The following SI variants were observed in gnomAD, a reference collection of about 807,000 sequenced individuals.
SI encodes sucrase-isomaltase.
SI carries 235 observed loss-of-function variants against 253.3 expected under a neutral mutation model. The ratio of observed to expected loss-of-function variants is 0.93; its 90% CI spans 0.83 to 1.03. The LOEUF (loss-of-function observed/expected upper bound fraction) is 1.03. Among genes scored for constraint, SI ranks in the 50% least tolerant of loss-of-function variants. The probability of loss-of-function intolerance (pLI) is 0.00; values close to 1 mark genes in which losing one functional copy is unlikely to be tolerated. For missense variants in SI, 2,442 were observed against 2,211.1 expected, an observed-to-expected ratio of 1.10 and a Z score of -2.09; for synonymous variants, 819 against 712.0, an observed-to-expected ratio of 1.15 and a Z score of -2.39.
intron 40 of SI, among the ~76,000 whole-genome samples, chr3:164,995,749 A>G (rs1418760677): frequency 1.3e-5 from 2 of 151,806 alleles, no homozygotes; most frequent in Admixed American, 1.3e-4. Context: ...GAATCTCTAT[A>G]AAACTCCATC....
chr3:165,013,558 T>C (rs536022168), intron 33 of SI, among the ~76,000 whole-genome samples: 1 of 152,264 alleles, frequency 6.6e-6, no homozygotes, highest in African/African-American at 2.4e-5. Context: ...CTGACCTCAT[T>C]GCCTACCAAC....
chr3:165,009,625 T>C (rs776231103), intron 34 of SI, among the ~76,000 whole-genome samples: 69 of 152,272 alleles, frequency 4.5e-4, no homozygotes, highest in Middle Eastern at 3.4e-3. Context: ...ATGTGAATTA[T>C]AAAGGAACAG....
At chr3:165,080,740 T>G (rs148810040), upstream of SI, among the ~76,000 whole-genome samples, 107 of 151,900 alleles carry the variant, frequency 7.0e-4, no homozygotes, top group African/African-American at 2.4e-3. Context: ...CATCGCACAC[T>G]GGGGCCTGTC....
At position 164,989,116 on chromosome 3, in the gene SI, A is replaced by T. The variant is rs538623066; in HGVS notation, c.5109-1890T>A. ...TAAATAAATAAATAAATACATAATTAAAAAAAAAAGAAACAGGTCTGGAGT... is the reference window on the plus strand; with the variant it reads ...TAAATAAATAAATAAATACATAATTTAAAAAAAAAGAAACAGGTCTGGAGT... On this transcript the variant is annotated intron_variant, in intron 44 of 47. Coordinates refer to ENST00000264382, the MANE Select transcript of SI (RefSeq NM_001041.4). 2.1e-4 allele frequency among the ~76,000 whole-genome samples: 28 copies of T among 133,194 alleles called. No individual in the cohort carries two copies. The East Asian group carries it at 2.8e-3, about 13-fold the overall frequency. The allele number at this position is 133,194 out of a possible 152,430, so 87.4% of individuals were successfully genotyped here. A position where few individuals can be genotyped will look rare whatever the true frequency, so the allele number is the denominator to read the frequency against.
intron 12 of SI, among the ~76,000 whole-genome samples, chr3:165,057,593 A>G (rs771859924): frequency 6.6e-6 from 1 of 152,048 alleles, no homozygotes; most frequent in Non-Finnish European, 1.5e-5. Flanking sequence ...CAGCAGGATA[A>G]AGGAGACAAA....
At chr3:165,010,120 G>A (rs1342841057) in intron 34 of SI, among the ~76,000 whole-genome samples, 1 of 152,102 alleles carries the variant, frequency 6.6e-6, no homozygotes, top group Non-Finnish European at 1.5e-5. Context: ...AGAAAATGCA[G>A]AGAGTAGGAA....
At chr3:165,039,177 C>G in intron 19 of SI, 43 bp from the exon 20 acceptor site, 1 of 1,311,254 alleles carries the variant, frequency 7.6e-7, no homozygotes, top group Non-Finnish European at 1.1e-6. Flanking sequence ...CAATTTTTAA[C>G]AAGGAGGATC....
rs1713339592 is a variant in SI, at chr3:165,049,892, T to A, written c.1513-17A>T. ...ATTCATGTCCTGAATGGATACAAAA[T>A]GAAGAACAGCAGATTTTACATAATT... is the stretch of plus-strand genomic sequence containing the variant. On this transcript the variant is annotated splice_polypyrimidine_tract_variant and intron_variant, in intron 13 of 47. Coordinates refer to ENST00000264382, the MANE Select transcript of SI (RefSeq NM_001041.4). 1 of 1,455,042 alleles carries A rather than the reference T, an allele frequency of 6.9e-7. No homozygotes were observed. The highest frequency in any genetic ancestry group is 9.7e-7 in the Non-Finnish European group (1 of 1,035,974). 90.1% of individuals were successfully genotyped at this position (1,455,042 alleles called of 1,614,324 possible).
At chr3:165,039,214 T>C (rs1302749860) in intron 19 of SI, 80 bp from the exon 20 acceptor site, 13 of 966,438 alleles carry the variant, frequency 1.3e-5, no homozygotes, top group South Asian at 7.1e-5. Context: ...TGGGTTTTCA[T>C]AGTCAAGGGA....
At chr3:165,042,963 C>T in intron 17 of SI, 96 bp downstream of exon 17, 1 of 802,598 alleles carries the variant, frequency 1.2e-6, no homozygotes, top group Non-Finnish European at 2.2e-6. Flanking sequence ...ATGCTACAAT[C>T]TTTCAGACCA....
At chr3:165,016,188 T>G in intron 31 of SI, 108 bp from the exon 32 acceptor site, 1 of 923,674 alleles carries the variant, frequency 1.1e-6, no homozygotes, top group Non-Finnish European at 1.8e-6. Flanking sequence ...TTTGAGTTCC[T>G]CTTCACTAGA....
intron 37 of SI, 70 bp from the exon 38 acceptor site, chr3:164,998,743 T>C (rs1178125088): frequency 1.5e-6 from 2 of 1,291,346 alleles, no homozygotes; most frequent in East Asian, 2.3e-5. Context: ...TACTTACGAC[T>C]ACTTTGTAAA....
At chr3:164,981,444 G>C (rs984673487) in intron 47 of SI, among the ~76,000 whole-genome samples, 3 of 151,896 alleles carry the variant, frequency 2.0e-5, no homozygotes, top group Non-Finnish European at 4.4e-5. Context: ...CAAGTTAGTC[G>C]AACATCTGAC....
intron 37 of SI, among the ~76,000 whole-genome samples, chr3:165,003,975 T>C (rs1382845584): frequency 6.6e-6 from 1 of 151,808 alleles, no homozygotes; most frequent in African/African-American, 2.4e-5. Flanking sequence ...TATAAATGGA[T>C]TAAACACTCC....
At chr3:165,045,958 CA>C (rs1713089576) in intron 16 of SI, among the ~76,000 whole-genome samples, 1 of 151,230 alleles carries the variant, frequency 6.6e-6, no homozygotes, top group South Asian at 2.1e-4. Context: ...CTCAGCTTCC[CA>C]AGTAGCTGGG....
chr3:164,998,930 A>G (rs1342540876), intron 37 of SI, among the ~76,000 whole-genome samples: 1 of 151,848 alleles, frequency 6.6e-6, no homozygotes, highest in Non-Finnish European at 1.5e-5. Flanking sequence ...CCTTCAATGA[A>G]TACAAGTTAA....
chr3:165,059,825 G>T, intron 10 of SI, 77 bp downstream of exon 10: 2 of 1,454,154 alleles, frequency 1.4e-6, no homozygotes, highest in South Asian at 1.1e-5. Flanking sequence ...AGATACTCCT[G>T]ACAATTTCCT....
At chr3:165,030,603 A>G (rs1357866405) in intron 25 of SI, 109 bp downstream of exon 25, 1 of 1,122,350 alleles carries the variant, frequency 8.9e-7, no homozygotes, top group Non-Finnish European at 1.3e-6. Context: ...ATGATTATCT[A>G]CTTGAATTTA....
intron 24 of SI, among the ~76,000 whole-genome samples, chr3:165,031,085 GTA>G (rs1444884766): frequency 6.7e-6 from 1 of 149,216 alleles, no homozygotes; most frequent in Non-Finnish European, 1.5e-5. Flanking sequence ...GTGTATTTAT[GTA>G]TATATATACA....
Sources: gnomAD v4.1 joint callset for allele counts (sites outside exome capture counted in the v4.1 genomes callset) on GRCh38, gnomAD v4.1.1 for gene constraint, MANE v1.5 for transcripts, NCBI Gene and HGNC (gene_info 2026-07-23, HGNC 2026-07-21) for gene names.